ZDHHC7: variants seen among roughly 807,000 people sequenced by gnomAD.
The protein encoded by ZDHHC7 is zDHHC palmitoyltransferase 7, also known as palmitoyltransferase ZDHHC7.
ZDHHC7 carries 12 observed loss-of-function variants against 34.1 expected under a neutral mutation model. The observed-to-expected ratio is 0.35, with a 90% CI of 0.23 to 0.57. The LOEUF (loss-of-function observed/expected upper bound fraction) is 0.57. ZDHHC7 is among the 20% of genes least tolerant of loss of function. The pLI, the probability that ZDHHC7 is intolerant of heterozygous loss-of-function variation, is 0.84. For synonymous variants in ZDHHC7, 185 were observed against 155.4 expected, an observed-to-expected ratio of 1.19 and a Z score of -1.42; for missense variants, 388 against 402.7, an observed-to-expected ratio of 0.96 and a Z score of 0.31.
chr16:84,991,439 C>A (rs779378999), intron 2 of ZDHHC7, among the ~76,000 whole-genome samples: 1 of 152,016 alleles, frequency 6.6e-6, no homozygotes, highest in Non-Finnish European at 1.5e-5. Context: ...GCGCCCACCA[C>A]CACACCTAGC....
intron 3 of ZDHHC7, chr16:84,982,206 G>A (rs1416089089): frequency 7.0e-6 from 3 of 425,656 alleles, no homozygotes; most frequent in South Asian, 6.7e-5. Context: ...TTAGCCAGGC[G>A]CGGTGGCAGG....
At chr16:85,025,258 G>A in the ZDHHC7 span, among the ~76,000 whole-genome samples, 2 of 151,192 alleles carry the variant, frequency 1.3e-5, no homozygotes, top group Non-Finnish European at 2.9e-5. Context: ...GTGACAGAGT[G>A]AGATGATTTA....
chr16:85,015,132 G>A (rs2072828897), upstream of ZDHHC7, among the ~76,000 whole-genome samples: 1 of 149,120 alleles, frequency 6.7e-6, no homozygotes, highest in South Asian at 2.1e-4. Flanking sequence ...GGAGTTTCAC[G>A]CTTGTCACCC....
intron 1 of ZDHHC7, among the ~76,000 whole-genome samples, chr16:85,002,809 C>T (rs2072670347): frequency 6.6e-6 from 1 of 152,026 alleles, no homozygotes; most frequent in Non-Finnish European, 1.5e-5. Context: ...GAAGTGAAAG[C>T]AGTTCACTCA....
intron 1 of ZDHHC7, among the ~76,000 whole-genome samples, chr16:85,004,739 T>A (rs542594092): frequency 1.6e-4 from 24 of 152,052 alleles, no homozygotes; most frequent in African/African-American, 2.2e-4. Context: ...AGGAGGGTGC[T>A]TGAGGGAGAC....
In ZDHHC7 at chr16:84,990,695, T is replaced by C. The variant is rs913343901; in HGVS notation, c.-17-60A>G. ...CAAAAAGCTCACAAGCTACCTTAAA[T>C]ATGATGTGTTACAGTTTGTCCTTGG... On this transcript the variant is annotated intron_variant, in intron 2 of 7. Coordinates refer to ENST00000313732, the MANE Select transcript of ZDHHC7 (RefSeq NM_017740.3). 9 of 1,408,332 alleles carry C rather than the reference T, an allele frequency of 6.4e-6. No individual in the cohort carries two copies. In the African/African-American group the frequency reaches 7.1e-5, roughly 11 times the overall value. The allele number at this position is 1,408,332 out of a possible 1,614,324, so 87.2% of individuals were successfully genotyped here.
chr16:85,009,288 A>C (rs1452386566), intron 1 of ZDHHC7, among the ~76,000 whole-genome samples: 1 of 152,076 alleles, frequency 6.6e-6, no homozygotes, highest in African/African-American at 2.4e-5. Flanking sequence ...AAGAATGTAA[A>C]AGTACGTTCA....
chr16:85,017,968 C>T, the ZDHHC7 span, among the ~76,000 whole-genome samples: 1 of 152,118 alleles, frequency 6.6e-6, no homozygotes, highest in African/African-American at 2.4e-5. Flanking sequence ...TGGTGCCACC[C>T]ATTTTTACAT....
intron 3 of ZDHHC7, among the ~76,000 whole-genome samples, chr16:84,986,000 T>G (rs2072432186): frequency 6.8e-6 from 1 of 147,026 alleles, no homozygotes; most frequent in Non-Finnish European, 1.5e-5. Flanking sequence ...TGAGGAAATC[T>G]GAACTCTAAC....
intron 3 of ZDHHC7, among the ~76,000 whole-genome samples, chr16:84,983,449 G>A (rs1262382793): frequency 6.6e-6 from 1 of 152,132 alleles, no homozygotes; most frequent in Non-Finnish European, 1.5e-5. Flanking sequence ...ACTGCTGCCC[G>A]CTGGATTCAG....
At chr16:85,016,118 A>G (rs1369483577), upstream of ZDHHC7, among the ~76,000 whole-genome samples, 1 of 152,160 alleles carries the variant, frequency 6.6e-6, no homozygotes, top group Non-Finnish European at 1.5e-5. Context: ...GCCCTTGGCC[A>G]AGAGGAAGGG....
chr16:84,985,728 G>A (rs2072427598), intron 3 of ZDHHC7, among the ~76,000 whole-genome samples: 1 of 152,034 alleles, frequency 6.6e-6, no homozygotes, highest in Non-Finnish European at 1.5e-5. Flanking sequence ...GCCGAGGCAG[G>A]CGGATCACTT....
intron 2 of ZDHHC7, among the ~76,000 whole-genome samples, chr16:84,993,205 C>T (rs560078233): frequency 6.6e-6 from 1 of 152,004 alleles, no homozygotes; most frequent in East Asian, 1.9e-4. Context: ...CTTATAGTCC[C>T]CCCTACTAGG....
chr16:85,011,247 G>A lies in ZDHHC7; in HGVS notation c.-104+39C>T, dbSNP rs572999570. 5.9e-5 allele frequency: 9 copies of A among 152,292 alleles called. No individual in the cohort carries two copies. In the South Asian group the frequency reaches 1.4e-3, roughly 24 times the overall value. 9.4% of individuals were successfully genotyped at this position (152,292 alleles called of 1,614,324 possible). ...GGGCCAGAAGTGGCCGGGAGACCCGGGAGTGAGCAGCCCGCCCGGCCCAGC... is the reference window on the plus strand; with the variant it reads ...GGGCCAGAAGTGGCCGGGAGACCCGAGAGTGAGCAGCCCGCCCGGCCCAGC... On this transcript the variant is annotated intron_variant, in intron 1 of 7. Coordinates refer to ENST00000313732, the MANE Select transcript of ZDHHC7 (RefSeq NM_017740.3).
At chr16:84,992,023 A>G (rs777625584) in intron 2 of ZDHHC7, among the ~76,000 whole-genome samples, 3 of 151,798 alleles carry the variant, frequency 2.0e-5, no homozygotes, top group Non-Finnish European at 4.4e-5. Flanking sequence ...TAAAAATACA[A>G]AAACCAGCCG....
chr16:85,003,152 G>C (rs539678009), intron 1 of ZDHHC7, among the ~76,000 whole-genome samples: 1 of 152,166 alleles, frequency 6.6e-6, no homozygotes. Context: ...GGGGCAGGAG[G>C]AGAGGCCTGG....
chr16:84,981,658 T>C (rs182520615), intron 4 of ZDHHC7, among the ~76,000 whole-genome samples: 13 of 152,298 alleles, frequency 8.5e-5, no homozygotes, highest in Admixed American at 2.0e-4. Context: ...ATCCATACTG[T>C]TTCCCAGCTC....
the ZDHHC7 span, among the ~76,000 whole-genome samples, chr16:85,016,544 C>T: frequency 6.6e-6 from 1 of 152,064 alleles, no homozygotes; most frequent in African/African-American, 2.4e-5. Flanking sequence ...CAGCCTCGAA[C>T]TCCTTGGCTC....
chr16:84,979,170 CAAA>C lies in ZDHHC7; in HGVS notation c.537+16_537+18del. 6.3e-7 allele frequency: 1 copy of C among 1,580,546 alleles called. No homozygotes were observed. The highest frequency in any genetic ancestry group is 8.6e-7 in the Non-Finnish European group (1 of 1,168,242). On this transcript the variant is annotated intron_variant, in intron 5 of 7. Coordinates refer to ENST00000313732, the MANE Select transcript of ZDHHC7 (RefSeq NM_017740.3). ...TTTCAAATTCAATGTAAATTCAATA[CAAA>C]AATATTTTTACTTACAGTGAAGAGC...
Sources: gnomAD v4.1 joint callset for allele counts (sites outside exome capture counted in the v4.1 genomes callset) on GRCh38, gnomAD v4.1.1 for gene constraint, MANE v1.5 for transcripts, NCBI Gene and HGNC (gene_info 2026-07-23, HGNC 2026-07-21) for gene names.